Variants in TENM2 observed in about 807,000 individuals in gnomAD.
TENM2 encodes the protein teneurin transmembrane protein 2.
A neutral mutation model predicts 245.2 loss-of-function variants in TENM2; 52 were observed. The ratio of observed to expected loss-of-function variants is 0.21; its 90% CI spans 0.17 to 0.27. The LOEUF is 0.27. Among genes scored for constraint, TENM2 ranks in the 10% least tolerant of loss-of-function variants. The pLI, the probability that TENM2 is intolerant of heterozygous loss-of-function variation, is 1.00. For missense variants in TENM2, 3,046 were observed against 3,666.8 expected, an observed-to-expected ratio of 0.83 and a Z score of 4.37; for synonymous variants, 1,363 against 1,438.9, an observed-to-expected ratio of 0.95 and a Z score of 1.19.
intron 4 of TENM2, among the ~76,000 whole-genome samples, chr5:167,953,170 G>T (rs1426228688): frequency 6.6e-6 from 1 of 152,120 alleles, no homozygotes. Context: ...TATGCATTTG[G>T]CCTTTCTTGA....
rs575286243 is a variant in TENM2, at chr5:167,922,831, C to CT, written c.713-29757_713-29756insT. Among the ~76,000 whole-genome samples, 145 of 152,336 alleles carry CT rather than the reference C, an allele frequency of 9.5e-4. 1 individual carries two copies. Among genetic ancestry groups the CT allele is most frequent in the African/African-American group, 3.4e-3 (142 of 41,582 alleles). ...CAGTCACTCCCTCCTCTTTCAGATC[C>CT]ATCAGCATTTGTCTTCCTTGTTTAT... On this transcript the variant is annotated intron_variant, in intron 3 of 28. Transcript: ENST00000518659.
At chr5:167,997,323 C>T (rs948837559) in intron 5 of TENM2, among the ~76,000 whole-genome samples, 4 of 152,126 alleles carry the variant, frequency 2.6e-5, no homozygotes, top group African/African-American at 7.2e-5. Context: ...TAAATGATCC[C>T]GTTGATAGCA....
chr5:168,156,975 C>A (rs900464818), intron 12 of TENM2, among the ~76,000 whole-genome samples: 1 of 152,150 alleles, frequency 6.6e-6, no homozygotes, highest in African/African-American at 2.4e-5. Flanking sequence ...ACAACGGGCA[C>A]ATTTATTATG....
At chr5:167,349,025 T>C (rs973077449) in intron 1 of TENM2, among the ~76,000 whole-genome samples, 1 of 152,232 alleles carries the variant, frequency 6.6e-6, no homozygotes, top group African/African-American at 2.4e-5. Context: ...TATTGAGGTA[T>C]AGTTTACAAA....
intron 2 of TENM2, among the ~76,000 whole-genome samples, chr5:167,603,372 A>T (rs1471922529): frequency 6.6e-6 from 1 of 152,168 alleles, no homozygotes; most frequent in African/African-American, 2.4e-5. Context: ...AGGTTAAGAG[A>T]TACTTACAGG....
At chr5:168,201,071 C>T (rs2152532632) in intron 17 of TENM2, among the ~76,000 whole-genome samples, 1 of 152,134 alleles carries the variant, frequency 6.6e-6, no homozygotes, top group South Asian at 2.1e-4. Flanking sequence ...TAGGCACCCT[C>T]ATAACCCCAT....
At chr5:167,603,916 T>C (rs1776834123) in intron 2 of TENM2, among the ~76,000 whole-genome samples, 2 of 152,210 alleles carry the variant, frequency 1.3e-5, no homozygotes, top group African/African-American at 2.4e-5. Context: ...CTCATTTAAT[T>C]GATCTGGAGT....
intron 2 of TENM2, among the ~76,000 whole-genome samples, chr5:167,517,093 A>G (rs1233304255): frequency 6.6e-6 from 1 of 152,194 alleles, no homozygotes; most frequent in African/African-American, 2.4e-5. Context: ...GCTAACTAGG[A>G]AAGGCTATAG....
rs376109670 is a variant in TENM2 at position 167,527,450 on chromosome 5, C to T, written c.502+151977C>T. Among the ~76,000 whole-genome samples the T allele has an allele frequency of 7.9e-5, 12 of 152,168 alleles. No individual in the cohort carries two copies. The South Asian group carries it at 2.5e-3, about 32-fold the overall frequency. On this transcript the variant is annotated intron_variant, in intron 2 of 28. Transcript: ENST00000518659. ...CTTTCTAATCTATCATTTTACTCCT[C>T]ATGTGTTGCATTCTCTGGACTCTGT...
At chr5:167,764,006 G>A (rs1289942243) in intron 2 of TENM2, among the ~76,000 whole-genome samples, 1 of 152,004 alleles carries the variant, frequency 6.6e-6, no homozygotes, top group East Asian at 1.9e-4. Context: ...GAATTTCCAA[G>A]CCACTCCTGC....
At chr5:167,943,227 C>T (rs1007196967) in intron 3 of TENM2, among the ~76,000 whole-genome samples, 1 of 152,196 alleles carries the variant, frequency 6.6e-6, no homozygotes, top group Admixed American at 6.5e-5. Flanking sequence ...TTTATCCCAT[C>T]CTTGCCATTT....
chr5:168,112,486 C>A (rs1395798800), intron 9 of TENM2, among the ~76,000 whole-genome samples: 5 of 151,494 alleles, frequency 3.3e-5, no homozygotes, highest in Admixed American at 6.6e-5. Context: ...GTTTTCTGTT[C>A]GTTAGTTTGC....
intron 2 of TENM2, among the ~76,000 whole-genome samples, chr5:167,677,347 G>T (rs922363568): frequency 6.6e-6 from 1 of 151,624 alleles, no homozygotes; most frequent in Admixed American, 6.6e-5. Context: ...ACAAAGATCT[G>T]CAAGGAAACA....
the TENM2 span, among the ~76,000 whole-genome samples, chr5:167,060,284 T>A: frequency 6.6e-6 from 1 of 152,070 alleles, no homozygotes; most frequent in African/African-American, 2.4e-5. Context: ...TAAGTTCACA[T>A]AGAAACATAA....
At chr5:167,692,305 T>G (rs1757485694) in intron 2 of TENM2, among the ~76,000 whole-genome samples, 1 of 152,228 alleles carries the variant, frequency 6.6e-6, no homozygotes, top group African/African-American at 2.4e-5. Context: ...CCATTCACTC[T>G]AACTTAGTAA....
At chr5:167,807,547 T>A (rs1766303694) in intron 2 of TENM2, among the ~76,000 whole-genome samples, 1 of 152,124 alleles carries the variant, frequency 6.6e-6, no homozygotes, top group African/African-American at 2.4e-5. Context: ...AAATTCCCTT[T>A]ATTTTGATTT....
intron 12 of TENM2, among the ~76,000 whole-genome samples, chr5:168,156,556 A>G (rs1161552746): frequency 6.6e-6 from 1 of 152,102 alleles, no homozygotes; most frequent in East Asian, 1.9e-4. Context: ...ATGGCAGAAC[A>G]TTTCTTGATG....
the TENM2 span, among the ~76,000 whole-genome samples, chr5:167,274,483 G>A: frequency 6.6e-6 from 1 of 151,994 alleles, no homozygotes; most frequent in Non-Finnish European, 1.5e-5. Flanking sequence ...ACAGGTTTTT[G>A]CATGAACATA....
chr5:167,658,558 C>T (rs1488823240), intron 2 of TENM2, among the ~76,000 whole-genome samples: 1 of 152,114 alleles, frequency 6.6e-6, no homozygotes, highest in African/African-American at 2.4e-5. Flanking sequence ...GCCCCCACCT[C>T]TTAATGCTAT....
Sources: gnomAD v4.1 joint callset for allele counts (sites outside exome capture counted in the v4.1 genomes callset) on GRCh38, gnomAD v4.1.1 for gene constraint, MANE v1.5 for transcripts, NCBI Gene and HGNC (gene_info 2026-07-23, HGNC 2026-07-21) for gene names.